The following XPO7 variants were observed in gnomAD, a reference collection of about 807,000 sequenced individuals.
The protein encoded by XPO7 is exportin 7, also known as exportin-7.
XPO7 carries 21 observed loss-of-function variants against 144.3 expected under a neutral mutation model. The ratio of observed to expected loss-of-function variants is 0.15; its 90% CI spans 0.10 to 0.21. The LOEUF is 0.21. Among genes scored for constraint, XPO7 ranks in the 10% least tolerant of loss-of-function variants. The pLI is 1.00. For missense variants in XPO7, 808 were observed against 1,325.8 expected, an observed-to-expected ratio of 0.61 and a Z score of 6.06; for synonymous variants, 580 against 499.6, an observed-to-expected ratio of 1.16 and a Z score of -2.15.
At chr8:21,937,521 G>C (rs1299552315) in intron 1 of XPO7, among the ~76,000 whole-genome samples, 1 of 152,184 alleles carries the variant, frequency 6.6e-6, no homozygotes. Flanking sequence ...GCTCATGGCT[G>C]TTTCCCTCTG....
chr8:21,969,661 C>T, intron 3 of XPO7, 85 bp downstream of exon 3: 1 of 1,213,920 alleles, frequency 8.2e-7, no homozygotes, highest in Non-Finnish European at 1.2e-6. Context: ...CGTGTTTGTT[C>T]AATGATATGC....
chr8:21,968,998 A>G (rs997702927), intron 2 of XPO7, among the ~76,000 whole-genome samples: 4 of 152,246 alleles, frequency 2.6e-5, no homozygotes, highest in Non-Finnish European at 4.4e-5. Context: ...GCTGATGGAA[A>G]GATACAATTT....
At chr8:21,969,444 C>G (rs1811982762) in intron 2 of XPO7, 39 bp from the exon 3 acceptor site, 12 of 1,545,182 alleles carry the variant, frequency 7.8e-6, no homozygotes, top group Non-Finnish European at 9.8e-6. Context: ...CTGGCTTACT[C>G]AATACAATTT....
chr8:21,943,630 G>C (rs10866827), intron 1 of XPO7, among the ~76,000 whole-genome samples: 11 of 152,024 alleles, frequency 7.2e-5, no homozygotes, highest in African/African-American at 1.7e-4. Context: ...ACAGAATCCT[G>C]TTTCTTCCCT....
intron 1 of XPO7, among the ~76,000 whole-genome samples, chr8:21,922,324 A>C (rs761013403): frequency 1.2e-4 from 18 of 152,128 alleles, no homozygotes; most frequent in Non-Finnish European, 2.4e-4. Flanking sequence ...GTAATGGGAA[A>C]ATTATAATAT....
intron 9 of XPO7, 113 bp from the exon 10 acceptor site, chr8:21,981,618 A>C: frequency 1.5e-6 from 2 of 1,327,420 alleles, no homozygotes; most frequent in Non-Finnish European, 2.1e-6. Context: ...CCTGCAGCCC[A>C]GAAGTTAAAA....
intron 1 of XPO7, among the ~76,000 whole-genome samples, chr8:21,957,407 A>G (rs1383594167): frequency 6.6e-6 from 1 of 152,214 alleles, no homozygotes; most frequent in Non-Finnish European, 1.5e-5. Context: ...AGCATGTAGC[A>G]TAAATGAAGT....
chr8:21,976,320 T>A (rs766477226), intron 6 of XPO7, 36 bp from the exon 7 acceptor site: 23 of 1,597,484 alleles, frequency 1.4e-5, no homozygotes, highest in Non-Finnish European at 1.9e-5. Context: ...AAGAGAGGAG[T>A]GATTTTGGGG....
chr8:21,972,493 C>T (rs1402329586), intron 5 of XPO7, among the ~76,000 whole-genome samples: 1 of 152,100 alleles, frequency 6.6e-6, no homozygotes, highest in Non-Finnish European at 1.5e-5. Context: ...AAGCAAAATA[C>T]TACTGCCTTG....
intron 1 of XPO7, among the ~76,000 whole-genome samples, chr8:21,925,244 A>G (rs1379608672): frequency 6.6e-6 from 1 of 152,178 alleles, no homozygotes; most frequent in Non-Finnish European, 1.5e-5. Flanking sequence ...CCTAGATCCT[A>G]AGTATTTCTG....
At chr8:21,938,142 CA>C (rs1280322711) in intron 1 of XPO7, among the ~76,000 whole-genome samples, 4 of 152,108 alleles carry the variant, frequency 2.6e-5, no homozygotes, top group Non-Finnish European at 5.9e-5. Flanking sequence ...TCTTCTTGTG[CA>C]ACTATAAACA....
At chr8:21,972,493 C>A (rs1402329586) in intron 5 of XPO7, among the ~76,000 whole-genome samples, 1 of 152,100 alleles carries the variant, frequency 6.6e-6, no homozygotes, top group Non-Finnish European at 1.5e-5. Flanking sequence ...AAGCAAAATA[C>A]TACTGCCTTG....
At chr8:21,924,034 C>CA (rs939697250) in intron 1 of XPO7, among the ~76,000 whole-genome samples, 1 of 152,178 alleles carries the variant, frequency 6.6e-6, no homozygotes, top group African/African-American at 2.4e-5. Context: ...CATTTGCAGT[C>CA]AAACTCTCAG....
rs1307067480 is a variant in XPO7, at chr8:22,002,021, G to A, written c.2783-91G>A. On this transcript the variant is annotated intron_variant, in intron 24 of 27. Transcript: ENST00000252512. ...CAACCGCCTTGGTTGAATTGGCCAC[G>A]GTACCCTAATGGATCTCACCCAAAG... 3.4e-5 allele frequency: 49 copies of A among 1,458,084 alleles called. No homozygotes were observed. The East Asian group carries it at 8.5e-4, about 25-fold the overall frequency. 90.3% of individuals were successfully genotyped at this position (1,458,084 alleles called of 1,614,324 possible).
chr8:21,961,651 ATTTTG>A (rs1373081158), intron 1 of XPO7, among the ~76,000 whole-genome samples: 2 of 149,104 alleles, frequency 1.3e-5, no homozygotes, highest in African/African-American at 4.9e-5. Flanking sequence ...CATTTTTTTC[ATTTTG>A]TTTTGTTTTT....
At chr8:21,958,680 C>T (rs1007684923) in intron 1 of XPO7, among the ~76,000 whole-genome samples, 1 of 129,856 alleles carries the variant, frequency 7.7e-6, no homozygotes, top group South Asian at 2.7e-4. Flanking sequence ...AAAGCAAGGC[C>T]GGGCATGGTT....
At chr8:22,000,495 C>T (rs1813104130) in intron 24 of XPO7, among the ~76,000 whole-genome samples, 1 of 150,598 alleles carries the variant, frequency 6.6e-6, no homozygotes, top group Non-Finnish European at 1.5e-5. Flanking sequence ...CTCTGTCGCC[C>T]AGGCTGGAGT....
At chr8:21,995,287 G>A (rs1188772431) in intron 20 of XPO7, among the ~76,000 whole-genome samples, 3 of 152,104 alleles carry the variant, frequency 2.0e-5, no homozygotes, top group East Asian at 1.9e-4. Context: ...AAACTAAAAT[G>A]TATTATGAGA....
intron 13 of XPO7, 23 bp downstream of exon 13, chr8:21,985,714 C>T (rs749365983): frequency 6.2e-7 from 1 of 1,605,990 alleles, no homozygotes; most frequent in Non-Finnish European, 8.5e-7. Flanking sequence ...CACAGAAGCT[C>T]TCCACTCTGC....
Sources: allele counts gnomAD v4.1 joint callset (sites outside exome capture counted in the v4.1 genomes callset), GRCh38; gene constraint gnomAD v4.1.1; transcripts MANE v1.5; gene names NCBI Gene and HGNC (gene_info 2026-07-23, HGNC 2026-07-21).